UVRAG: variants seen among roughly 807,000 people sequenced by gnomAD.
UVRAG encodes UV radiation resistance associated.
UVRAG carries 19 observed loss-of-function variants against 78.0 expected under a neutral mutation model. The observed-to-expected ratio is 0.24, with a 90% CI of 0.17 to 0.36. The LOEUF (loss-of-function observed/expected upper bound fraction) is 0.36. Ranked by LOEUF, UVRAG falls within the 10% of genes least tolerant of loss-of-function variation. The probability of loss-of-function intolerance (pLI) is 1.00; values close to 1 mark genes in which losing one functional copy is unlikely to be tolerated. For missense variants in UVRAG, 740 were observed against 853.8 expected, an observed-to-expected ratio of 0.87 and a Z score of 1.66; for synonymous variants, 323 against 324.6, an observed-to-expected ratio of 1.00 and a Z score of 0.05.
chr11:76,139,287 G>A (rs1952658721), intron 14 of UVRAG, among the ~76,000 whole-genome samples: 1 of 152,154 alleles, frequency 6.6e-6, no homozygotes, highest in Non-Finnish European at 1.5e-5. Flanking sequence ...AGACACAAGT[G>A]GAAGAAACCC....
chr11:75,970,807 G>A (rs1249834334), intron 7 of UVRAG, among the ~76,000 whole-genome samples: 1 of 150,504 alleles, frequency 6.6e-6, no homozygotes, highest in Non-Finnish European at 1.5e-5. Flanking sequence ...AATTTCTTCT[G>A]TTAAAACATC....
At chr11:75,821,725 T>C (rs1171477541) in intron 1 of UVRAG, among the ~76,000 whole-genome samples, 2 of 152,160 alleles carry the variant, frequency 1.3e-5, no homozygotes, top group African/African-American at 4.8e-5. Context: ...TCTTGCCTCC[T>C]CTTAGCTGTG....
chr11:75,873,905 A>G (rs1041426881), intron 3 of UVRAG, among the ~76,000 whole-genome samples: 3 of 152,176 alleles, frequency 2.0e-5, no homozygotes, highest in African/African-American at 7.2e-5. Context: ...ATTCCTAGCT[A>G]CAGTTTTCTC....
At chr11:76,015,107 C>T (rs1229986282) in intron 11 of UVRAG, among the ~76,000 whole-genome samples, 1 of 152,176 alleles carries the variant, frequency 6.6e-6, no homozygotes, top group Non-Finnish European at 1.5e-5. Context: ...CGAGGACTCT[C>T]AGACTTTTTA....
chr11:76,028,447 G>T (rs207472016), intron 12 of UVRAG, among the ~76,000 whole-genome samples: 1 of 152,168 alleles, frequency 6.6e-6, no homozygotes, highest in South Asian at 2.1e-4. Context: ...AATGAGGAAA[G>T]AATGTGAAAA....
At chr11:76,105,123 C>T (rs1288897607) in intron 13 of UVRAG, among the ~76,000 whole-genome samples, 1 of 152,172 alleles carries the variant, frequency 6.6e-6, no homozygotes, top group African/African-American at 2.4e-5. Context: ...AGAGCTACCT[C>T]ACATTTACCA....
chr11:75,939,088 A>AG (rs201390378), intron 6 of UVRAG, among the ~76,000 whole-genome samples: 4 of 150,184 alleles, frequency 2.7e-5, no homozygotes, highest in Admixed American at 2.6e-4. Flanking sequence ...ATGTTTTCCT[A>AG]GGGTTTTTTT....
At chr11:76,103,529 C>A (rs1438353628) in intron 13 of UVRAG, among the ~76,000 whole-genome samples, 1 of 141,926 alleles carries the variant, frequency 7.0e-6, no homozygotes, top group East Asian at 2.0e-4. Context: ...AAGGTCATTG[C>A]TGTTTTGGTT....
Position 75,815,414 on chromosome 11 carries a change from G to A in UVRAG, c.7G>A (p.Ala3Thr). 1 of 1,246,298 alleles carries A rather than the reference G, an allele frequency of 8.0e-7. No individual in the cohort carries two copies. The highest frequency in any genetic ancestry group is 1.0e-6 in the Non-Finnish European group (1 of 993,618). 77.2% of individuals were successfully genotyped at this position (1,246,298 alleles called of 1,614,324 possible). A position where few individuals can be genotyped will look rare whatever the true frequency, so the allele number is the denominator to read the frequency against. MSASASVGGPVPQ... is the reference protein window; with the variant it reads MSTSASVGGPVPQ... ...TGGCGGCCCCTGGATCGAGATGAGC[G>A]CCTCCGCGTCGGTCGGGGGCCCCGT... Residue 3 changes from alanine to threonine, a missense_variant, in exon 1 of 15, where the codon GCC becomes ACC. Transcript: ENST00000356136.
At chr11:76,024,973 A>G (rs1950303050) in intron 12 of UVRAG, among the ~76,000 whole-genome samples, 1 of 152,152 alleles carries the variant, frequency 6.6e-6, no homozygotes, top group Non-Finnish European at 1.5e-5. Context: ...CCCCTCTCTG[A>G]TTATCTATCT....
At chr11:76,073,552 T>C (rs1443050186) in intron 13 of UVRAG, among the ~76,000 whole-genome samples, 7 of 152,144 alleles carry the variant, frequency 4.6e-5, no homozygotes, top group Non-Finnish European at 1.0e-4. Flanking sequence ...TAATAACACA[T>C]GTGATTTTTA....
chr11:75,983,692 G>GTATGTT, intron 8 of UVRAG, 179 bp downstream of exon 8: 1 of 857,606 alleles, frequency 1.2e-6, no homozygotes, highest in Admixed American at 3.5e-5. Context: ...CCATCATAGA[G>GTATGTT]TATGTTTACA....
chr11:75,842,434 TTTTC>T (rs1174588196), intron 1 of UVRAG, among the ~76,000 whole-genome samples: 1 of 150,370 alleles, frequency 6.7e-6, no homozygotes, highest in Non-Finnish European at 1.5e-5. Context: ...GTGACCTGCC[TTTTC>T]TTTCTTTTTT....
At chr11:76,000,698 C>T (rs900039457) in intron 8 of UVRAG, among the ~76,000 whole-genome samples, 80 of 151,736 alleles carry the variant, frequency 5.3e-4, no homozygotes, top group Non-Finnish European at 4.1e-4. Context: ...AAATAACAGT[C>T]AAAAGAAAAC....
chr11:75,920,932 A>G (rs962426444), intron 6 of UVRAG, among the ~76,000 whole-genome samples: 5 of 152,192 alleles, frequency 3.3e-5, no homozygotes, highest in Non-Finnish European at 7.3e-5. Flanking sequence ...GCTATATCAT[A>G]TTTATTCAGC....
intron 14 of UVRAG, among the ~76,000 whole-genome samples, chr11:76,117,041 G>A (rs1952196166): frequency 6.6e-6 from 1 of 152,164 alleles, no homozygotes; most frequent in Non-Finnish European, 1.5e-5. Context: ...TCAGGAATAT[G>A]AGAGAGGAAT....
At chr11:75,833,884 G>A (rs996013391) in intron 1 of UVRAG, among the ~76,000 whole-genome samples, 6 of 152,168 alleles carry the variant, frequency 3.9e-5, no homozygotes, top group African/African-American at 1.4e-4. Context: ...ACCCTGGGTG[G>A]GCCAGGTGTT....
intron 6 of UVRAG, among the ~76,000 whole-genome samples, chr11:75,951,301 G>A (rs1302559111): frequency 1.3e-5 from 2 of 151,702 alleles, no homozygotes; most frequent in Admixed American, 6.6e-5. Context: ...GAGTATGTAT[G>A]AATGATTCTT....
intron 13 of UVRAG, among the ~76,000 whole-genome samples, chr11:76,105,669 G>T (rs1951955641): frequency 6.6e-6 from 1 of 152,150 alleles, no homozygotes; most frequent in Non-Finnish European, 1.5e-5. Flanking sequence ...AGGATCACCT[G>T]AGCCTGAGGT....
Sources: allele counts gnomAD v4.1 joint callset (sites outside exome capture counted in the v4.1 genomes callset), GRCh38; gene constraint gnomAD v4.1.1; transcripts MANE v1.5; gene names NCBI Gene and HGNC (gene_info 2026-07-23, HGNC 2026-07-21).